The following IMMP2L variants were observed in gnomAD, a reference collection of about 807,000 sequenced individuals.
IMMP2L encodes inner mitochondrial membrane peptidase subunit 2.
A neutral mutation model predicts 19.3 loss-of-function variants in IMMP2L; 18 were observed. The observed-to-expected ratio is 0.93, with a 90% CI of 0.64 to 1.38. The LOEUF is 1.38. Ranked by LOEUF, IMMP2L falls within the 40% of genes most tolerant of loss-of-function variation. The pLI is 0.00. For synonymous variants in IMMP2L, 76 were observed against 73.0 expected, an observed-to-expected ratio of 1.04 and a Z score of -0.21; for missense variants, 233 against 218.2, an observed-to-expected ratio of 1.07 and a Z score of -0.43.
chr7:111,273,248 G>A (rs1291076155), intron 3 of IMMP2L, among the ~76,000 whole-genome samples: 1 of 151,868 alleles, frequency 6.6e-6, no homozygotes, highest in African/African-American at 2.4e-5. Context: ...ATGCATTCCA[G>A]CCTGGGCATC....
intron 3 of IMMP2L, among the ~76,000 whole-genome samples, chr7:111,249,598 A>G (rs1204760995): frequency 6.6e-6 from 1 of 152,236 alleles, no homozygotes; most frequent in South Asian, 2.1e-4. Flanking sequence ...AAAGAAAACT[A>G]TCCATTTAGA....
intron 3 of IMMP2L, among the ~76,000 whole-genome samples, chr7:111,003,921 T>C (rs1824004342): frequency 1.3e-5 from 2 of 152,204 alleles, no homozygotes; most frequent in African/African-American, 4.8e-5. Flanking sequence ...TAAAAAGTAG[T>C]TATTTAACAG....
intron 3 of IMMP2L, among the ~76,000 whole-genome samples, chr7:111,076,600 T>C (rs1051849177): frequency 1.3e-5 from 2 of 152,200 alleles, no homozygotes; most frequent in Non-Finnish European, 2.9e-5. Context: ...GGACCCTTTG[T>C]CCATTAGCCT....
intron 3 of IMMP2L, among the ~76,000 whole-genome samples, chr7:111,146,983 C>G (rs750268184): frequency 1.2e-4 from 19 of 152,068 alleles, no homozygotes; most frequent in Non-Finnish European, 2.5e-4. Flanking sequence ...ATTTGTTCTT[C>G]CTGTGGCTCC....
At chr7:110,778,569 T>C (rs752782433) in intron 5 of IMMP2L, among the ~76,000 whole-genome samples, 2 of 152,012 alleles carry the variant, frequency 1.3e-5, no homozygotes, top group Non-Finnish European at 2.9e-5. Context: ...CTTATTTTTA[T>C]TCCTCCATAT....
chr7:111,389,865 AT>A (rs1832164197), intron 3 of IMMP2L, among the ~76,000 whole-genome samples: 1 of 152,206 alleles, frequency 6.6e-6, no homozygotes, highest in Admixed American at 6.5e-5. Flanking sequence ...TACAGCCTAT[AT>A]AATTCTAAGG....
At chr7:110,863,851 A>G (rs1456933726) in intron 5 of IMMP2L, among the ~76,000 whole-genome samples, 3 of 152,146 alleles carry the variant, frequency 2.0e-5, no homozygotes, top group Non-Finnish European at 4.4e-5. Flanking sequence ...GTCGAGGAGC[A>G]TCTGTACTCT....
chr7:110,971,499 G>C (rs938408964), intron 3 of IMMP2L, among the ~76,000 whole-genome samples: 2 of 152,020 alleles, frequency 1.3e-5, no homozygotes, highest in African/African-American at 4.8e-5. Context: ...GCAAGGAAAG[G>C]TGTCCATCAA....
At chr7:110,745,593 T>C (rs1432864184) in intron 5 of IMMP2L, among the ~76,000 whole-genome samples, 1 of 152,196 alleles carries the variant, frequency 6.6e-6, no homozygotes, top group Non-Finnish European at 1.5e-5. Flanking sequence ...TGGGGGCCAA[T>C]ATTCAACATT....
chr7:111,098,937 T>A (rs988257966), intron 3 of IMMP2L, among the ~76,000 whole-genome samples: 1 of 151,786 alleles, frequency 6.6e-6, no homozygotes, highest in Non-Finnish European at 1.5e-5. Flanking sequence ...TAGTTTCATA[T>A]CATGCATTCT....
In IMMP2L at chr7:111,086,743, T is replaced by C. The variant is rs115862097; in HGVS notation, c.240-123178A>G. 7.4e-3 allele frequency among the ~76,000 whole-genome samples: 1,127 copies of C among 152,318 alleles called. 16 individuals are homozygous for C. Among genetic ancestry groups the C allele is most frequent in the African/African-American group, 0.024 (1,017 of 41,552 alleles). On this transcript the variant is annotated intron_variant, in intron 3 of 5. Transcript: ENST00000405709. The stretch of plus-strand genomic sequence containing the variant: ...CATCAGTGACTCATTCATATGTATT[T>C]AGCTTTCTGAGCATATCGACTCATT...
chr7:111,286,833 G>A (rs1232416598), intron 3 of IMMP2L, among the ~76,000 whole-genome samples: 1 of 152,146 alleles, frequency 6.6e-6, no homozygotes, highest in East Asian at 1.9e-4. Flanking sequence ...ATCAGTGGGT[G>A]ACTGAGGTCC....
At chr7:111,332,635 A>C (rs1298942437) in intron 3 of IMMP2L, among the ~76,000 whole-genome samples, 1 of 152,026 alleles carries the variant, frequency 6.6e-6, no homozygotes, top group African/African-American at 2.4e-5. Context: ...GTAAAATGAA[A>C]ATTTAAAAAC....
intron 4 of IMMP2L, among the ~76,000 whole-genome samples, chr7:110,918,458 T>TC (rs982710948): frequency 6.6e-6 from 1 of 150,504 alleles, no homozygotes; most frequent in African/African-American, 2.4e-5. Flanking sequence ...TTTTCTTTTT[T>TC]TTTTTTTTTT....
chr7:111,120,525 T>C (rs1055694257), intron 3 of IMMP2L, among the ~76,000 whole-genome samples: 1 of 152,168 alleles, frequency 6.6e-6, no homozygotes, highest in Admixed American at 6.6e-5. Context: ...CAATTCAAGA[T>C]GAGATTTGGG....
chr7:111,250,156 A>C (rs543763030), intron 3 of IMMP2L, among the ~76,000 whole-genome samples: 139 of 152,242 alleles, frequency 9.1e-4, no homozygotes, highest in Non-Finnish European at 1.6e-3. Flanking sequence ...CCCATTCACA[A>C]TTCCTACAAA....
chr7:110,742,095 T>C (rs1265482515), intron 5 of IMMP2L, among the ~76,000 whole-genome samples: 2 of 152,178 alleles, frequency 1.3e-5, no homozygotes, highest in African/African-American at 4.8e-5. Flanking sequence ...ATTACAACAC[T>C]AGCATGTGAG....
chr7:110,930,383 A>G (rs918669451), intron 4 of IMMP2L, among the ~76,000 whole-genome samples: 1 of 151,788 alleles, frequency 6.6e-6, no homozygotes, highest in African/African-American at 2.4e-5. Flanking sequence ...GTAAACTCTC[A>G]TTGTTTACAC....
chr7:111,061,015 A>G (rs1427967635), intron 3 of IMMP2L, among the ~76,000 whole-genome samples: 1 of 152,262 alleles, frequency 6.6e-6, no homozygotes, highest in Non-Finnish European at 1.5e-5. Flanking sequence ...ATAATAAAAT[A>G]TCAAAAATAG....
Sources: gnomAD v4.1 joint callset for allele counts (sites outside exome capture counted in the v4.1 genomes callset) on GRCh38, gnomAD v4.1.1 for gene constraint, MANE v1.5 for transcripts, NCBI Gene and HGNC (gene_info 2026-07-23, HGNC 2026-07-21) for gene names.